TMEM130: variants seen among roughly 807,000 people sequenced by gnomAD.
TMEM130 encodes the protein transmembrane protein 130.
Under a neutral mutation model 42.9 loss-of-function variants are expected in TMEM130, and 37 were observed. The ratio of observed to expected loss-of-function variants is 0.86; its 90% CI spans 0.66 to 1.13. TMEM130 has a LOEUF of 1.13. Ranked by LOEUF, TMEM130 falls within the 50% of genes most tolerant of loss-of-function variation. TMEM130 has a pLI of 0.00. For missense variants in TMEM130, 545 were observed against 562.6 expected, an observed-to-expected ratio of 0.97 and a Z score of 0.32; for synonymous variants, 259 against 237.7, an observed-to-expected ratio of 1.09 and a Z score of -0.82.
rs1419124125 is a variant in TMEM130, at chr7:98,846,577, C to T, written c.*1479G>A. The T allele has an allele frequency of 6.6e-6, 1 of 152,174 alleles. No homozygotes were observed. The highest frequency in any genetic ancestry group is 2.4e-5 in the African/African-American group (1 of 41,424). The allele number at this position is 152,174 out of a possible 1,614,324, so 9.4% of individuals were successfully genotyped here. A position where few individuals can be genotyped will look rare whatever the true frequency, so the allele number is the denominator to read the frequency against. On this transcript the variant is annotated 3_prime_UTR_variant, in exon 8 of 8. Coordinates refer to ENST00000339375, the MANE Select transcript of TMEM130 (RefSeq NM_152913.3). ...AATGAGCTGCACAATAGTGTAAATG[C>T]CATTTTCTGCACACAGCCTGGGAGC...
At chr7:98,857,857 TG>T (rs1457438405) in intron 3 of TMEM130, among the ~76,000 whole-genome samples, 1 of 151,454 alleles carries the variant, frequency 6.6e-6, no homozygotes, top group Non-Finnish European at 1.5e-5. Flanking sequence ...CCCAAGTAGC[TG>T]GGAATACAGG....
At position 98,869,569 on chromosome 7, in the gene TMEM130, C is replaced by T. The variant is rs534997323; in HGVS notation, c.85+208G>A. Among the ~76,000 whole-genome samples, 21 of 152,076 alleles carry T rather than the reference C, an allele frequency of 1.4e-4. No homozygotes were observed. The highest frequency in any genetic ancestry group is 5.1e-4 in the African/African-American group (21 of 41,510). On this transcript the variant is annotated intron_variant, in intron 1 of 7. Transcript: ENST00000339375. The surrounding 1 kb of genome is among the most constrained non-coding windows in gnomAD (Gnocchi z 4.7). Reference sequence around the variant, plus strand: ...AGGAATCCAGGGGGTGCGGGGAGCCCCCTCCAGTGCCCAGGCGACTTTGGG... The same window carrying T: ...AGGAATCCAGGGGGTGCGGGGAGCCTCCTCCAGTGCCCAGGCGACTTTGGG...
chr7:98,849,106 C>A (rs1381660259), intron 6 of TMEM130, among the ~76,000 whole-genome samples: 1 of 152,180 alleles, frequency 6.6e-6, no homozygotes, highest in African/African-American at 2.4e-5. Context: ...TTGGGAAGGG[C>A]AGCCATGTTG....
intron 3 of TMEM130, among the ~76,000 whole-genome samples, chr7:98,856,722 C>T (rs1562908133): frequency 6.6e-6 from 1 of 152,040 alleles, no homozygotes; most frequent in East Asian, 1.9e-4. Flanking sequence ...GTCTTGAACT[C>T]CTGCGCTCAA....
intron 5 of TMEM130, among the ~76,000 whole-genome samples, chr7:98,854,533 G>C (rs1360608922): frequency 2.0e-5 from 3 of 152,222 alleles, no homozygotes; most frequent in African/African-American, 7.2e-5. Context: ...GAGCTCAGGA[G>C]ACTGAGACTA....
intron 5 of TMEM130, among the ~76,000 whole-genome samples, chr7:98,853,819 G>A (rs1584235985): frequency 6.6e-6 from 1 of 152,186 alleles, no homozygotes; most frequent in African/African-American, 2.4e-5. Context: ...TGATTAGACT[G>A]ACTGATGAGA....
At chr7:98,851,945 T>G (rs1794516782) in intron 5 of TMEM130, among the ~76,000 whole-genome samples, 1 of 151,836 alleles carries the variant, frequency 6.6e-6, no homozygotes, top group African/African-American at 2.4e-5. Flanking sequence ...ACATCCCCCT[T>G]TTTGTGTTTT....
At chr7:98,857,166 C>T (rs1794652339) in intron 3 of TMEM130, among the ~76,000 whole-genome samples, 1 of 152,190 alleles carries the variant, frequency 6.6e-6, no homozygotes, top group Non-Finnish European at 1.5e-5. Flanking sequence ...AAGCTTTCCC[C>T]ACCCTCTTGG....
chr7:98,869,666 G>A lies in TMEM130; in HGVS notation c.85+111C>T. The A allele has an allele frequency of 1.3e-6, 1 of 790,074 alleles. No homozygotes were observed. Among genetic ancestry groups the A allele is most frequent in the Non-Finnish European group, 1.8e-6 (1 of 562,700 alleles). 48.9% of individuals were successfully genotyped at this position (790,074 alleles called of 1,614,324 possible). ...CCGAGGAGGGAGATGCGCGCAGGGC[G>A]CACGGTGCCACCTCCGCAATCCCTG... On this transcript the variant is annotated intron_variant, in intron 1 of 7. Coordinates refer to ENST00000339375, the MANE Select transcript of TMEM130 (RefSeq NM_152913.3). The surrounding 1 kb of genome is among the most constrained non-coding windows in gnomAD (Gnocchi z 4.7).
chr7:98,867,390 G>C (rs1794932522), intron 1 of TMEM130, among the ~76,000 whole-genome samples: 1 of 152,104 alleles, frequency 6.6e-6, no homozygotes, highest in African/African-American at 2.4e-5. Context: ...CATTTGGCCA[G>C]GCTGTGGACA....
intron 1 of TMEM130, among the ~76,000 whole-genome samples, chr7:98,863,953 A>G (rs1187833704): frequency 6.6e-6 from 1 of 151,090 alleles, no homozygotes; most frequent in African/African-American, 2.4e-5. Context: ...ACTGGAGTAC[A>G]ATCATCACAG....
chr7:98,855,319 G>T lies in TMEM130; in HGVS notation c.724C>A (p.Leu242Ile). 6.2e-7 allele frequency: 1 copy of T among 1,612,290 alleles called. No individual in the cohort carries two copies. The highest frequency in any genetic ancestry group is 8.5e-7 in the Non-Finnish European group (1 of 1,179,076). Residue 242 changes from leucine to isoleucine, a missense_variant, in exon 5 of 8, where the codon CTT becomes ATT. Physicochemically the swap from Leu to Ile is conservative, Grantham distance 5. Transcript: ENST00000339375. ...FSASLKLQET[L>I]RGIQVLGPTL... ...GGCCCCAACACTTGGATGCCTCGAAGGGTTTCTGTAAGGCAGAGAGAACCC... is the reference window on the plus strand; with the variant it reads ...GGCCCCAACACTTGGATGCCTCGAATGGTTTCTGTAAGGCAGAGAGAACCC...
intron 2 of TMEM130, among the ~76,000 whole-genome samples, chr7:98,862,006 G>T (rs1554399838): frequency 6.6e-6 from 1 of 152,128 alleles, no homozygotes; most frequent in East Asian, 1.9e-4. Context: ...CATTGTAAGG[G>T]TCACTGTTAA....
rs782770955 is a variant in TMEM130, at chr7:98,855,222, G to A, written c.803+18C>T. Reference sequence around the variant, plus strand: ...AGAGCCCACGGGGCACCCCCAGTGCGCTCTGGAGCTCACTTACCTCCCCAG... The same window carrying A: ...AGAGCCCACGGGGCACCCCCAGTGCACTCTGGAGCTCACTTACCTCCCCAG... On this transcript the variant is annotated intron_variant, in intron 5 of 7. Coordinates refer to ENST00000339375, the MANE Select transcript of TMEM130 (RefSeq NM_152913.3). 188 of 1,609,380 alleles carry A rather than the reference G, an allele frequency of 1.2e-4. No individual in the cohort carries two copies. Among genetic ancestry groups the A allele is most frequent in the Middle Eastern group, 4.9e-4 (3 of 6,072 alleles).
chr7:98,854,712 G>T (rs145631725), intron 5 of TMEM130, among the ~76,000 whole-genome samples: 13 of 152,288 alleles, frequency 8.5e-5, no homozygotes, highest in African/African-American at 2.9e-4. Flanking sequence ...ACTCCAACCT[G>T]GGTGACAGGG....
rs782337281 is a variant in TMEM130, at chr7:98,856,188, T to C, written c.552-5A>G. On this transcript the variant is annotated splice_polypyrimidine_tract_variant and splice_region_variant and intron_variant, in intron 3 of 7. Transcript: ENST00000339375. ...TCTTCAGTCACCATCTGGGTCCTGT[T>C]AGGAGACAGGGAGGAGAGAGGAGGA... is the stretch of plus-strand genomic sequence containing the variant. The C allele has an allele frequency of 6.2e-7, 1 of 1,612,962 alleles. No individual in the cohort carries two copies. The highest frequency in any genetic ancestry group is 8.5e-7 in the Non-Finnish European group (1 of 1,179,498).
intron 3 of TMEM130, among the ~76,000 whole-genome samples, chr7:98,856,685 C>T (rs1562908124): frequency 6.6e-6 from 1 of 151,854 alleles, no homozygotes; most frequent in Non-Finnish European, 1.5e-5. Context: ...TTTGTAGAGA[C>T]AAGGTCTTAC....
At chr7:98,850,273 A>ATATATATATTTTTTTTTTTTTTT in intron 6 of TMEM130, among the ~76,000 whole-genome samples, 9 of 35,454 alleles carry the variant, frequency 2.5e-4, no homozygotes, top group Admixed American at 4.3e-4. Flanking sequence ...ATATATATAT[A>ATATATATATTTTTTTTTTTTTTT]TTTTTTTTTT....
chr7:98,858,388 A>T (rs1268317474), intron 3 of TMEM130, among the ~76,000 whole-genome samples: 5 of 151,534 alleles, frequency 3.3e-5, no homozygotes, highest in Admixed American at 6.6e-5. Context: ...AAAACATTTT[A>T]AAAAATAGTC....
Sources: allele counts gnomAD v4.1 joint callset (sites outside exome capture counted in the v4.1 genomes callset), GRCh38; gene constraint gnomAD v4.1.1; non-coding constraint Gnocchi (gnomAD v3.1); transcripts MANE v1.5; gene names NCBI Gene and HGNC (gene_info 2026-07-23, HGNC 2026-07-21).